CYP2C19: variants seen among roughly 807,000 people sequenced by gnomAD.
CYP2C19 encodes cytochrome P450 2C19.
CYP2C19 carries 59 observed loss-of-function variants against 40.9 expected under a neutral mutation model. The ratio of observed to expected loss-of-function variants is 1.44; its 90% confidence interval spans 1.17 to 1.79. CYP2C19 has a LOEUF of 1.79. Ranked by LOEUF, CYP2C19 falls within the 40% of genes most tolerant of loss-of-function variation. CYP2C19 has a pLI of 0.00. For synonymous variants in CYP2C19, 253 were observed against 208.7 expected (o/e 1.21, Z -1.83); for missense variants, 754 against 596.9 (o/e 1.26, Z -2.74).
chr10:94,852,693 C>T (rs766816783), intron 8 of CYP2C19, 40 bp from the exon 9 acceptor site: 36 of 1,597,344 alleles, frequency 2.3e-5, no homozygotes, highest in Non-Finnish European at 2.6e-5. Flanking sequence ...CTCACAGTTA[C>T]ACATGAGGAG....
chr10:94,771,764 T>A (rs757359759), intron 1 of CYP2C19, among the ~76,000 whole-genome samples: 1 of 152,074 alleles, frequency 6.6e-6, no homozygotes, highest in Non-Finnish European at 1.5e-5. Context: ...CACTCACTGA[T>A]GCAGCAGCAG....
At chr10:94,809,456 C>T (rs1446320133) in intron 5 of CYP2C19, among the ~76,000 whole-genome samples, 3 of 152,004 alleles carry the variant, frequency 2.0e-5, no homozygotes, top group Admixed American at 1.3e-4. Flanking sequence ...CCCATTTGTC[C>T]ATTTTTACTT....
In CYP2C19 at chr10:94,780,620, G is replaced by C; in HGVS notation, c.603G>C (p.Leu201Phe). The C allele has an allele frequency of 6.2e-7, 1 of 1,613,744 alleles. No individual in the cohort carries two copies. Among genetic ancestry groups the C allele is most frequent in the Non-Finnish European group, 8.5e-7 (1 of 1,179,854 alleles). Reference protein sequence around the residue: ...DQQFLNLMEKLNENIRIVSTP... With the variant: ...DQQFLNLMEKFNENIRIVSTP... ...AATTTCTTAACTTGATGGAAAAATT[G>C]AATGAAAACATCAGGATTGTAAGCA... Residue 201 changes from leucine (L) to phenylalanine (F), a missense_variant, in exon 4 of 9, where the codon TTG becomes TTC. Transcript: ENST00000371321.
In CYP2C19 at chr10:94,842,883, C is replaced by G. The variant is rs755885643; in HGVS notation, c.1008C>G (p.Ser336Arg). The change falls in exon 7 of 9, where the codon AGC (serine) becomes AGG (arginine). Residue 336 changes from serine (S) to arginine (R), a missense_variant. Transcript: ENST00000371321. Reference protein sequence around the residue: ...EIERVIGRNRSPCMQDRGHMP... With the variant: ...EIERVIGRNRRPCMQDRGHMP... ...AACGTGTCATTGGCAGAAACCGGAG[C>G]CCCTGCATGCAGGACAGGGGCCACA... 2 of 1,614,122 alleles carry G rather than the reference C, an allele frequency of 1.2e-6. No individual in the cohort carries two copies. Among genetic ancestry groups the G allele is most frequent in the Non-Finnish European group, 1.7e-6 (2 of 1,179,974 alleles).
chr10:94,810,675 GA>G (rs1206888940), intron 5 of CYP2C19, among the ~76,000 whole-genome samples: 1 of 152,168 alleles, frequency 6.6e-6, no homozygotes, highest in Non-Finnish European at 1.5e-5. Context: ...TATTTGCATA[GA>G]GGTGTTTATA....
intron 5 of CYP2C19, among the ~76,000 whole-genome samples, chr10:94,811,612 A>C: frequency 6.6e-6 from 1 of 152,056 alleles, no homozygotes; most frequent in Non-Finnish European, 1.5e-5. Flanking sequence ...TTCTCGTTGC[A>C]TTGATCCCCT....
intron 6 of CYP2C19, among the ~76,000 whole-genome samples, chr10:94,831,863 C>T (rs1285640393): frequency 6.6e-6 from 1 of 151,988 alleles, no homozygotes; most frequent in Non-Finnish European, 1.5e-5. Flanking sequence ...TATCTCTTCC[C>T]TTTGTTGATT....
intron 6 of CYP2C19, among the ~76,000 whole-genome samples, chr10:94,837,992 T>C (rs867945548): frequency 6.6e-6 from 1 of 152,188 alleles, no homozygotes; most frequent in African/African-American, 2.4e-5. Flanking sequence ...ATTAGACATA[T>C]AATTTTCCCA....
intron 3 of CYP2C19, chr10:94,776,525 A>G (rs1373939940): frequency 1.3e-5 from 2 of 152,200 alleles, no homozygotes; most frequent in Non-Finnish European, 2.9e-5. Context: ...AATGATACAC[A>G]CACACTCAAC....
chr10:94,781,970 T>C lies in CYP2C19; in HGVS notation c.792T>C (p.Ile264=), dbSNP rs1848485837. ...ACATCAACAACCCTCGGGACTTTATTGATTGCTTCCTGATCAAAATGGAGA... is the reference window on the plus strand; with the variant it reads ...ACATCAACAACCCTCGGGACTTTATCGATTGCTTCCTGATCAAAATGGAGA... ...SMDINNPRDF[I]DCFLIKMEKE... Residue 264 remains isoleucine, a synonymous_variant, in exon 5 of 9, where the codon ATT becomes ATC. Coordinates refer to ENST00000371321, the MANE Select transcript of CYP2C19 (RefSeq NM_000769.4). 1 of 1,535,684 alleles carries C rather than the reference T, an allele frequency of 6.5e-7. No individual in the cohort carries two copies. The highest frequency in any genetic ancestry group is 8.7e-7 in the Non-Finnish European group (1 of 1,150,156).
At chr10:94,843,167 C>A in intron 7 of CYP2C19, 143 bp downstream of exon 7, 1 of 982,028 alleles carries the variant, frequency 1.0e-6, no homozygotes, top group South Asian at 1.5e-5. Context: ...CTGTTGATTC[C>A]AGTTTGGGAC....
intron 5 of CYP2C19, among the ~76,000 whole-genome samples, chr10:94,800,298 A>G (rs901432594): frequency 2.0e-5 from 3 of 152,144 alleles, no homozygotes; most frequent in Admixed American, 6.5e-5. Context: ...TTGGAGGTTC[A>G]CTCCAGACCT....
At position 94,833,553 on chromosome 10, in the gene CYP2C19, G is replaced by A. The variant is rs1161185083; in HGVS notation, c.962-9284G>A. 7.9e-5 allele frequency among the ~76,000 whole-genome samples: 12 copies of A among 151,992 alleles called. 1 individual carries two copies. The highest frequency in any genetic ancestry group is 2.0e-4 in the Admixed American group (3 of 15,252). On this transcript the variant is annotated intron_variant, in intron 6 of 8. Coordinates refer to ENST00000371321, the MANE Select transcript of CYP2C19 (RefSeq NM_000769.4). ...CCATGCTGGTGCGCTGCACCCAAAT[G>A]TCCAACGATGATAGACTGGATTAAG...
intron 5 of CYP2C19, among the ~76,000 whole-genome samples, chr10:94,820,053 G>T (rs1203797620): frequency 6.7e-6 from 1 of 149,660 alleles, no homozygotes. Context: ...TGATCAAGTG[G>T]GCTTCATCCC....
At chr10:94,789,310 C>T (rs186505600) in intron 5 of CYP2C19, among the ~76,000 whole-genome samples, 17 of 151,728 alleles carry the variant, frequency 1.1e-4, no homozygotes, top group South Asian at 2.1e-4. Flanking sequence ...TTCACTCTGA[C>T]GATAGTTTCT....
intron 5 of CYP2C19, among the ~76,000 whole-genome samples, chr10:94,797,518 A>G (rs1225463886): frequency 1.3e-5 from 2 of 152,000 alleles, no homozygotes; most frequent in Non-Finnish European, 2.9e-5. Context: ...TTAGTTAGGG[A>G]GGATTCCATC....
intron 5 of CYP2C19, among the ~76,000 whole-genome samples, chr10:94,787,685 A>T (rs1848560003): frequency 6.6e-6 from 1 of 152,050 alleles, no homozygotes; most frequent in Admixed American, 6.6e-5. Flanking sequence ...TGGTGCAAGG[A>T]AGTGTTCCAG....
chr10:94,820,507 C>A lies in CYP2C19; in HGVS notation c.831C>A (p.Asn277Lys), dbSNP rs559628884. 3.1e-5 allele frequency: 50 copies of A among 1,614,066 alleles called. No individual in the cohort carries two copies. The East Asian group carries it at 1.1e-3, about 35-fold the overall frequency. ...FLIKMEKEKQ[N>K]QQSEFTIENL... ...CAAATCATTCCTAGGAAAAGCAAAA[C>A]CAACAGTCTGAATTCACTATTGAAA... Residue 277 changes from asparagine (N) to lysine (K), a missense_variant, in exon 6 of 9, where the codon AAC becomes AAA. Coordinates refer to ENST00000371321, the MANE Select transcript of CYP2C19 (RefSeq NM_000769.4).
chr10:94,836,486 G>A (rs1185678614), intron 6 of CYP2C19, among the ~76,000 whole-genome samples: 7 of 152,180 alleles, frequency 4.6e-5, no homozygotes, highest in African/African-American at 1.7e-4. Context: ...GGCCTGGAAA[G>A]CCACTTCTGT....
Sources: allele counts gnomAD v4.1 joint callset (sites outside exome capture counted in the v4.1 genomes callset), GRCh38; gene constraint gnomAD v4.1.1; transcripts MANE v1.5; gene names NCBI Gene and HGNC (gene_info 2026-07-23, HGNC 2026-07-21).